Variants in LY96 observed in about 807,000 individuals in gnomAD.
LY96 encodes the protein myeloid differentiation protein-2.
A neutral mutation model predicts 18.9 loss-of-function variants in LY96; 18 were observed. That is an observed-to-expected ratio of 0.95 (90% CI 0.66 to 1.41). LY96 has a LOEUF of 1.41. Ranked by LOEUF, LY96 falls within the 40% of genes most tolerant of loss-of-function variation. The pLI, the probability that LY96 is intolerant of heterozygous loss-of-function variation, is 0.00. For missense variants in LY96, 175 were observed against 182.4 expected, an observed-to-expected ratio of 0.96 and a Z score of 0.23; for synonymous variants, 66 against 62.6, an observed-to-expected ratio of 1.06 and a Z score of -0.26.
intron 2 of LY96, among the ~76,000 whole-genome samples, chr8:74,008,463 C>A (rs1300976716): frequency 2.0e-5 from 3 of 152,148 alleles, no homozygotes; most frequent in Non-Finnish European, 2.9e-5. Flanking sequence ...GAAACAGACG[C>A]CATGATATTC....
the LY96 span, among the ~76,000 whole-genome samples, chr8:74,036,774 A>G: frequency 5.9e-5 from 9 of 152,312 alleles, 1 homozygote; most frequent in East Asian, 3.9e-4. Context: ...AGGCAAGAAG[A>G]ACCCATCAGG....
intron 1 of LY96, among the ~76,000 whole-genome samples, chr8:73,996,241 A>C (rs1816122171): frequency 6.6e-6 from 1 of 152,138 alleles, no homozygotes; most frequent in African/African-American, 2.4e-5. Flanking sequence ...GGGCTCAAGC[A>C]GTTCTCCTGC....
chr8:74,023,768 G>A (rs1039312366), intron 3 of LY96, among the ~76,000 whole-genome samples: 1 of 152,078 alleles, frequency 6.6e-6, no homozygotes, highest in Non-Finnish European at 1.5e-5. Flanking sequence ...TGTAATCTCC[G>A]TGATTCTACC....
chr8:74,048,867 A>C, the LY96 span: 1 of 152,154 alleles, frequency 6.6e-6, no homozygotes, highest in Admixed American at 6.6e-5. Context: ...AGAAAAGGAG[A>C]AAGAAAAGGA....
chr8:74,085,305 A>T, the LY96 span, among the ~76,000 whole-genome samples: 8 of 152,244 alleles, frequency 5.3e-5, no homozygotes, highest in Non-Finnish European at 1.2e-4. Flanking sequence ...TTTCAAAGCC[A>T]GACATCTTAT....
chr8:73,998,254 T>C (rs1157575589), intron 1 of LY96, among the ~76,000 whole-genome samples: 1 of 152,214 alleles, frequency 6.6e-6, no homozygotes, highest in Non-Finnish European at 1.5e-5. Flanking sequence ...CATTGTTCTG[T>C]AAACTACAAG....
rs1465608390 is a variant in LY96 at position 74,002,040 on chromosome 8, T to G, written c.113-2756T>G. ...CTTCCTTCCTTCCTTCCTTCCTTCC[T>G]TCCTTCCTTCCTTCCTTCCTTCCTT... On this transcript the variant is annotated intron_variant, in intron 1 of 4. Transcript: ENST00000284818. 3.9e-4 allele frequency among the ~76,000 whole-genome samples: 13 copies of G among 32,934 alleles called. 2 individuals carry two copies. Among genetic ancestry groups the G allele is most frequent in the East Asian group, 7.6e-4 (1 of 1,316 alleles). The allele number at this position is 32,934 out of a possible 152,430, so 21.6% of individuals were successfully genotyped here.
the LY96 span, among the ~76,000 whole-genome samples, chr8:74,042,016 C>T: frequency 6.2e-4 from 94 of 152,242 alleles, 1 homozygote; most frequent in East Asian, 0.016. Context: ...GTGATGTCAC[C>T]CCTGTAGGCC....
chr8:74,092,587 CAG>C, the LY96 span, among the ~76,000 whole-genome samples: 6 of 152,188 alleles, frequency 3.9e-5, no homozygotes, highest in East Asian at 3.9e-4. Flanking sequence ...CACTTGGACA[CAG>C]AGTTTCTTGA....
At chr8:74,044,278 C>G in the LY96 span, among the ~76,000 whole-genome samples, 3 of 151,564 alleles carry the variant, frequency 2.0e-5, no homozygotes, top group African/African-American at 7.3e-5. Context: ...AACTCCTAGG[C>G]TCAAGCGATT....
intron 3 of LY96, among the ~76,000 whole-genome samples, chr8:74,022,073 A>T (rs76068678): frequency 4.5e-5 from 6 of 134,322 alleles, no homozygotes; most frequent in East Asian, 3.9e-4. Flanking sequence ...AGTATAATTT[A>T]AAAAAAAAAG....
chr8:74,003,188 A>G (rs1563711438), intron 1 of LY96, among the ~76,000 whole-genome samples: 1 of 140,946 alleles, frequency 7.1e-6, no homozygotes, highest in African/African-American at 2.5e-5. Flanking sequence ...ACCCACACCT[A>G]TTGTTGTGGG....
chr8:74,033,528 T>A (rs1171802305), downstream of LY96, among the ~76,000 whole-genome samples: 1 of 152,196 alleles, frequency 6.6e-6, no homozygotes. Flanking sequence ...AGGAGAATAC[T>A]TATGAGCAGG....
intron 4 of LY96, among the ~76,000 whole-genome samples, chr8:74,028,166 A>C (rs541930898): frequency 6.6e-6 from 1 of 152,336 alleles, no homozygotes; most frequent in Non-Finnish European, 1.5e-5. Context: ...GTACTGAAAC[A>C]GTTGTTAGTG....
At chr8:74,031,376 C>A (rs1816966859), downstream of LY96, among the ~76,000 whole-genome samples, 1 of 152,042 alleles carries the variant, frequency 6.6e-6, no homozygotes. Context: ...GCCTGTAATC[C>A]CAGCACTTTG....
chr8:74,018,613 A>C (rs1816694202), intron 3 of LY96, among the ~76,000 whole-genome samples: 1 of 152,206 alleles, frequency 6.6e-6, no homozygotes, highest in Non-Finnish European at 1.5e-5. Flanking sequence ...AAATCAACAG[A>C]ATATACATTC....
At chr8:74,081,694 C>T in the LY96 span, among the ~76,000 whole-genome samples, 1 of 152,046 alleles carries the variant, frequency 6.6e-6, no homozygotes, top group Non-Finnish European at 1.5e-5. Flanking sequence ...CACTCTGTCA[C>T]CCAGGCTGGA....
intron 3 of LY96, among the ~76,000 whole-genome samples, chr8:74,011,128 A>G (rs950923628): frequency 5.3e-5 from 8 of 152,140 alleles, no homozygotes; most frequent in Non-Finnish European, 1.5e-5. Flanking sequence ...CTGAAGTTGA[A>G]TGGTAGGATC....
At chr8:74,063,336 A>T in the LY96 span, among the ~76,000 whole-genome samples, 1 of 152,186 alleles carries the variant, frequency 6.6e-6, no homozygotes, top group Non-Finnish European at 1.5e-5. Context: ...TTGTTACTAA[A>T]TCCAGATCAT....
Sources: gnomAD v4.1 joint callset for allele counts (sites outside exome capture counted in the v4.1 genomes callset) on GRCh38, gnomAD v4.1.1 for gene constraint, MANE v1.5 for transcripts, NCBI Gene and HGNC (gene_info 2026-07-23, HGNC 2026-07-21) for gene names.